SOS1: variants seen among roughly 807,000 people sequenced by gnomAD.
SOS1 encodes the protein SOS Ras/Rac guanine nucleotide exchange factor 1, also known as son of sevenless homolog 1.
A neutral mutation model predicts 157.6 loss-of-function variants in SOS1; 25 were observed. The ratio of observed to expected loss-of-function variants is 0.16; its 90% CI spans 0.12 to 0.22. The LOEUF (loss-of-function observed/expected upper bound fraction) is 0.22, where lower values mean the gene tolerates loss of function less well. SOS1 is among the 10% of genes least tolerant of loss of function. The pLI, the probability that SOS1 is intolerant of heterozygous loss-of-function variation, is 1.00. For synonymous variants in SOS1, 528 were observed against 534.0 expected, an observed-to-expected ratio of 0.99 and a Z score of 0.16; for missense variants, 1,237 against 1,599.1, an observed-to-expected ratio of 0.77 and a Z score of 3.86.
rs756008569 is a variant in SOS1, at chr2:38,995,198, G to C, written c.3271C>G (p.Pro1091Ala). Residue 1091 changes from proline to alanine, a missense_variant, in exon 20 of 23, where the codon CCT becomes GCT. Coordinates refer to ENST00000402219, the MANE Select transcript of SOS1 (RefSeq NM_005633.4). Reference sequence around the variant, plus strand: ...GTGGTACTGGAAGCACCAGAAGCAGGCGGAGGTGTTAACGGTGTTCTTGGA... The same window carrying C: ...GTGGTACTGGAAGCACCAGAAGCAGCCGGAGGTGTTAACGGTGTTCTTGGA... ...NSPRTPLTPP[P>A]ASGASSTTDV... The C allele has an allele frequency of 6.2e-7, 1 of 1,613,866 alleles. No homozygotes were observed. Among genetic ancestry groups the C allele is most frequent in the African/African-American group, 1.3e-5 (1 of 74,902 alleles).
rs566328647 is a variant in SOS1 at position 39,082,239 on chromosome 2, A to G, written c.88-14486T>C. 2.8e-4 allele frequency among the ~76,000 whole-genome samples: 43 copies of G among 152,308 alleles called. No homozygotes were observed. In the South Asian group the frequency reaches 7.9e-3, roughly 28 times the overall value. On this transcript the variant is annotated intron_variant, in intron 1 of 22. Transcript: ENST00000402219. ...CTTTAAGACTAATTGGAAATAGTAA[A>G]TAGTTAATTATTAATATTTAATTCA...
intron 6 of SOS1, 98 bp from the exon 7 acceptor site, chr2:39,035,598 T>G: frequency 1.2e-6 from 1 of 829,152 alleles, no homozygotes; most frequent in Non-Finnish European, 2.0e-6. Flanking sequence ...ATTATGTATG[T>G]CTTTGAAAGT....
At position 39,018,904 on chromosome 2, in the gene SOS1, C is replaced by T. The variant is rs184985904; in HGVS notation, c.1858+3666G>A. Among the ~76,000 whole-genome samples, 7 of 151,882 alleles carry T rather than the reference C, an allele frequency of 4.6e-5. No individual in the cohort carries two copies. The East Asian group carries it at 1.2e-3, about 25-fold the overall frequency. On this transcript the variant is annotated intron_variant, in intron 10 of 22. Transcript: ENST00000402219. ...AAAAAGGAAACAGACGCTATGCTGA[C>T]GCACAAACACTTTTTTAAAAAATCA...
chr2:39,073,505 T>G (rs1331476198), intron 1 of SOS1, among the ~76,000 whole-genome samples: 4 of 152,238 alleles, frequency 2.6e-5, no homozygotes, highest in African/African-American at 9.6e-5. Flanking sequence ...TAGTAACTGT[T>G]CTTTTAAGGA....
At chr2:39,098,025 T>C (rs1672834782) in intron 1 of SOS1, 1 of 152,304 alleles carries the variant, frequency 6.6e-6, no homozygotes, top group Non-Finnish European at 1.5e-5. Flanking sequence ...ACACTGGGCA[T>C]CATTAGTTTA....
At position 39,006,375 on chromosome 2, in the gene SOS1, C is replaced by T. The variant is rs755716065; in HGVS notation, c.2791+37G>A. ...TAATGAAATGAGTGTTTTGTTTTAT[C>T]CAGAAATGCAATAAAAATTCAGAAA... is the stretch of plus-strand genomic sequence containing the variant. On this transcript the variant is annotated intron_variant, in intron 17 of 22. Transcript: ENST00000402219. The T allele has an allele frequency of 4.2e-6, 4 of 960,708 alleles. No homozygotes were observed. The Admixed American group carries it at 5.1e-5, about 12-fold the overall frequency. The allele number at this position is 960,708 out of a possible 1,614,324, so 59.5% of individuals were successfully genotyped here. A position where few individuals can be genotyped will look rare whatever the true frequency, so the allele number is the denominator to read the frequency against.
At chr2:39,077,336 A>G (rs1044776925) in intron 1 of SOS1, among the ~76,000 whole-genome samples, 19 of 150,528 alleles carry the variant, frequency 1.3e-4, no homozygotes, top group Admixed American at 2.6e-4. Context: ...AAAAAAAAAG[A>G]AAGAAAATCC....
At chr2:39,042,892 T>C (rs1054369152) in intron 6 of SOS1, among the ~76,000 whole-genome samples, 1 of 152,080 alleles carries the variant, frequency 6.6e-6, no homozygotes, top group Non-Finnish European at 1.5e-5. Flanking sequence ...TTTTATCCAA[T>C]AGCTATAATG....
intron 1 of SOS1, among the ~76,000 whole-genome samples, chr2:39,069,435 G>GTA (rs1671720889): frequency 6.6e-6 from 1 of 151,904 alleles, no homozygotes; most frequent in Non-Finnish European, 1.5e-5. Context: ...GTACATATAT[G>GTA]TATATATACA....
At chr2:39,122,731 A>C (rs1040386152), upstream of SOS1, among the ~76,000 whole-genome samples, 3 of 152,108 alleles carry the variant, frequency 2.0e-5, no homozygotes, top group Non-Finnish European at 2.9e-5. Context: ...TTTTTATTAG[A>C]GATGGGGTTT....
intron 1 of SOS1, among the ~76,000 whole-genome samples, chr2:39,106,113 C>T (rs557768355): frequency 1.3e-5 from 2 of 150,972 alleles, no homozygotes; most frequent in Non-Finnish European, 3.0e-5. Flanking sequence ...CCAGCTACTT[C>T]GGAGGCTGAT....
At chr2:39,102,725 A>C (rs1469693890) in intron 1 of SOS1, among the ~76,000 whole-genome samples, 1 of 152,040 alleles carries the variant, frequency 6.6e-6, no homozygotes, top group African/African-American at 2.4e-5. Context: ...CTGGTGGATC[A>C]CTTGAGCAGA....
intron 3 of SOS1, among the ~76,000 whole-genome samples, chr2:39,057,148 G>C (rs1454455698): frequency 6.6e-6 from 1 of 152,182 alleles, no homozygotes; most frequent in Non-Finnish European, 1.5e-5. Flanking sequence ...GAAGGCCCAA[G>C]TTTGGGGAAG....
chr2:39,062,494 G>A (rs1405581447), intron 2 of SOS1, among the ~76,000 whole-genome samples: 1 of 146,450 alleles, frequency 6.8e-6, no homozygotes, highest in Non-Finnish European at 1.5e-5. Flanking sequence ...AGGATTCCAA[G>A]GGAAAAAAAG....
At chr2:39,000,519 C>G (rs1669058515) in intron 17 of SOS1, among the ~76,000 whole-genome samples, 1 of 152,114 alleles carries the variant, frequency 6.6e-6, no homozygotes, top group Non-Finnish European at 1.5e-5. Flanking sequence ...GGAGGCAGCT[C>G]TTCTAGGGAA....
chr2:39,017,143 C>G (rs1316890955), intron 10 of SOS1, among the ~76,000 whole-genome samples: 1 of 152,002 alleles, frequency 6.6e-6, no homozygotes, highest in Admixed American at 6.6e-5. Context: ...CTAGACTTAT[C>G]TAAGGTCATA....
At chr2:38,998,889 A>G (rs1360608433) in intron 17 of SOS1, among the ~76,000 whole-genome samples, 4 of 152,158 alleles carry the variant, frequency 2.6e-5, no homozygotes, top group African/African-American at 9.7e-5. Flanking sequence ...TACTGCAGGT[A>G]CAAAGATGAG....
intron 1 of SOS1, among the ~76,000 whole-genome samples, chr2:39,088,715 A>G (rs1017947103): frequency 1.2e-4 from 18 of 152,110 alleles, no homozygotes; most frequent in African/African-American, 4.1e-4. Flanking sequence ...ACATTTATCT[A>G]TTCATCTGGT....
intron 8 of SOS1, chr2:39,034,973 T>G (rs532341620): frequency 3.4e-5 from 19 of 551,196 alleles, no homozygotes; most frequent in Admixed American, 9.4e-5. Context: ...AAACCAAAAA[T>G]AAAAAAAAGA....
Sources: allele counts gnomAD v4.1 joint callset (sites outside exome capture counted in the v4.1 genomes callset), GRCh38; gene constraint gnomAD v4.1.1; transcripts MANE v1.5; gene names NCBI Gene and HGNC (gene_info 2026-07-23, HGNC 2026-07-21).